CLINT1: variants seen among roughly 807,000 people sequenced by gnomAD.
CLINT1 encodes clathrin interactor 1, also known as clathrin interacting protein localized in the trans-Golgi region.
A neutral mutation model predicts 70.4 loss-of-function variants in CLINT1; 15 were observed. The ratio of observed to expected loss-of-function variants is 0.21; its 90% CI spans 0.14 to 0.33. The LOEUF (loss-of-function observed/expected upper bound fraction) is 0.33. Among genes scored for constraint, CLINT1 ranks in the 10% least tolerant of loss-of-function variants. CLINT1 has a pLI of 1.00. For synonymous variants in CLINT1, 227 were observed against 254.7 expected (o/e 0.89, Z 1.04); for missense variants, 615 against 778.1 (o/e 0.79, Z 2.49).
rs752606665 is a variant in CLINT1, at chr5:157,809,742, G to C, written c.581C>G (p.Ala194Gly). The change falls in exon 6 of 12, where the codon GCT becomes GGT. Residue 194 changes from alanine to glycine, a missense_variant. This residue lies in a region of CLINT1 where 241 missense variants were observed against 368.6 expected (regional missense o/e 0.65). Transcript: ENST00000411809. ...ACCTAATTTATCACTGAATGGAAAA[G>C]CACTCTTGTTTTTATCCCACTCCTC... ...WDEEWDKNKS[A>G]FPFSDKLGEL... 7 of 1,613,076 alleles carry C rather than the reference G, an allele frequency of 4.3e-6. No homozygotes were observed. The South Asian group carries it at 6.6e-5, about 15-fold the overall frequency.
intron 10 of CLINT1, chr5:157,790,651 T>G (rs1761873570): frequency 2.2e-6 from 1 of 455,032 alleles, no homozygotes; most frequent in Non-Finnish European, 4.4e-6. Flanking sequence ...AAGACGAGAA[T>G]CTACACATTA....
At chr5:157,812,385 C>T (rs913716542) in intron 5 of CLINT1, among the ~76,000 whole-genome samples, 1 of 152,106 alleles carries the variant, frequency 6.6e-6, no homozygotes, top group South Asian at 2.1e-4. Flanking sequence ...AGGGACATGC[C>T]GTGAAAGACA....
intron 7 of CLINT1, among the ~76,000 whole-genome samples, chr5:157,805,371 G>A (rs375753035): frequency 5.3e-5 from 8 of 152,182 alleles, no homozygotes; most frequent in African/African-American, 1.4e-4. Flanking sequence ...AAAAACAAAC[G>A]AAGATGGTAC....
rs1561643552 is a variant in CLINT1, at chr5:157,803,734, A to AT, written c.943-16dup. ...GGCACTGAAGTCTGAAAACACACACATAACTCAGGAGCTTCGAAAAGTTTG... is the reference window on the plus strand; with the variant it reads ...GGCACTGAAGTCTGAAAACACACACATTAACTCAGGAGCTTCGAAAAGTTTG... On this transcript the variant is annotated splice_polypyrimidine_tract_variant and intron_variant, in intron 7 of 11. Transcript: ENST00000411809. 6.5e-7 allele frequency: 1 copy of AT among 1,534,074 alleles called. No individual in the cohort carries two copies. The highest frequency in any genetic ancestry group is 8.8e-7 in the Non-Finnish European group (1 of 1,131,272).
At chr5:157,805,481 C>G (rs1288982557) in intron 7 of CLINT1, among the ~76,000 whole-genome samples, 1 of 152,154 alleles carries the variant, frequency 6.6e-6, no homozygotes, top group African/African-American at 2.4e-5. Context: ...ATAACTTGCC[C>G]CTATATATCT....
chr5:157,823,060 A>G (rs922832769), intron 1 of CLINT1, among the ~76,000 whole-genome samples: 6 of 152,156 alleles, frequency 3.9e-5, no homozygotes, highest in African/African-American at 1.4e-4. Flanking sequence ...TATTTTTTAT[A>G]TGGTTTCTCT....
intron 7 of CLINT1, among the ~76,000 whole-genome samples, chr5:157,804,865 T>C (rs1762339578): frequency 6.6e-6 from 1 of 151,996 alleles, no homozygotes; most frequent in African/African-American, 2.4e-5. Context: ...AAGCAGAGGT[T>C]GCGGTGAGCC....
chr5:157,859,066 G>C lies in CLINT1; in HGVS notation c.-96C>G. Reference sequence around the variant, plus strand: ...GGGGCAGTTCCAGGCCGGGGTCACCGCCGCCCGCCGCCTCGAACTCCCCCA... The same window carrying C: ...GGGGCAGTTCCAGGCCGGGGTCACCCCCGCCCGCCGCCTCGAACTCCCCCA... On this transcript the variant is annotated 5_prime_UTR_variant, in exon 1 of 12. Coordinates refer to ENST00000411809, the MANE Select transcript of CLINT1 (RefSeq NM_014666.4). 1 of 1,387,446 alleles carries C rather than the reference G, an allele frequency of 7.2e-7. No individual in the cohort carries two copies. The highest frequency in any genetic ancestry group is 1.3e-5 in the South Asian group (1 of 78,444). 85.9% of individuals were successfully genotyped at this position (1,387,446 alleles called of 1,614,324 possible). A position where few individuals can be genotyped will look rare whatever the true frequency, so the allele number is the denominator to read the frequency against.
At chr5:157,818,467 T>TAAAAAAAAAA (rs929415179) in intron 1 of CLINT1, among the ~76,000 whole-genome samples, 4 of 88,326 alleles carry the variant, frequency 4.5e-5, no homozygotes, top group African/African-American at 8.4e-5. Flanking sequence ...ACCTGGTCTC[T>TAAAAAAAAAA]AAAAAAAAAA....
intron 1 of CLINT1, among the ~76,000 whole-genome samples, chr5:157,827,979 T>C (rs140540643): frequency 1.8e-3 from 271 of 152,342 alleles, no homozygotes; most frequent in African/African-American, 6.0e-3. Context: ...TACTACCTGA[T>C]CCCTGGACAC....
intron 1 of CLINT1, among the ~76,000 whole-genome samples, chr5:157,839,934 A>C (rs1219174483): frequency 2.6e-5 from 4 of 152,044 alleles, no homozygotes; most frequent in Admixed American, 2.6e-4. Flanking sequence ...CTCAAAAGAA[A>C]AAAGAGGAGG....
At chr5:157,796,666 G>A (rs1016723784) in intron 8 of CLINT1, among the ~76,000 whole-genome samples, 5 of 152,124 alleles carry the variant, frequency 3.3e-5, no homozygotes, top group African/African-American at 9.7e-5. Context: ...TTGTCTTATC[G>A]CTGAAAGACA....
chr5:157,841,862 C>T (rs568244885), intron 1 of CLINT1, among the ~76,000 whole-genome samples: 2 of 152,268 alleles, frequency 1.3e-5, no homozygotes, highest in African/African-American at 4.8e-5. Flanking sequence ...AACTTCTGGG[C>T]TCAACAAATC....
chr5:157,799,183 G>A (rs1349361074), intron 8 of CLINT1, among the ~76,000 whole-genome samples: 1 of 152,012 alleles, frequency 6.6e-6, no homozygotes, highest in Non-Finnish European at 1.5e-5. Flanking sequence ...CAAATTGAAT[G>A]TGCATTACTT....
At chr5:157,839,813 A>T (rs887794875) in intron 1 of CLINT1, among the ~76,000 whole-genome samples, 4 of 152,156 alleles carry the variant, frequency 2.6e-5, no homozygotes, top group African/African-American at 9.6e-5. Context: ...ATGCTTTACC[A>T]CTAAGTGGAA....
chr5:157,819,207 C>G (rs254672), intron 1 of CLINT1, among the ~76,000 whole-genome samples: 50,246 of 151,996 alleles, frequency 0.33, 8,821 homozygotes, highest in East Asian at 0.61. Flanking sequence ...AACAATTATG[C>G]ATTTAAGTGT....
intron 1 of CLINT1, among the ~76,000 whole-genome samples, chr5:157,847,623 C>A (rs949228633): frequency 2.6e-5 from 4 of 152,036 alleles, no homozygotes; most frequent in African/African-American, 9.7e-5. Context: ...CAGTGACGGA[C>A]GTCACTGCAG....
intron 1 of CLINT1, among the ~76,000 whole-genome samples, chr5:157,856,101 T>C (rs1753751582): frequency 1.3e-5 from 2 of 152,262 alleles, no homozygotes; most frequent in African/African-American, 4.8e-5. Flanking sequence ...GTCATGGTCT[T>C]ATTTATTGCA....
chr5:157,801,475 C>T (rs1343689416), intron 8 of CLINT1, among the ~76,000 whole-genome samples: 1 of 151,706 alleles, frequency 6.6e-6, no homozygotes, highest in Non-Finnish European at 1.5e-5. Flanking sequence ...TACTGCACTC[C>T]AGCCTGGGCA....
Sources: allele counts gnomAD v4.1 joint callset (sites outside exome capture counted in the v4.1 genomes callset), GRCh38; gene constraint gnomAD v4.1.1; regional missense constraint gnomAD v4.1.1; transcripts MANE v1.5; gene names NCBI Gene and HGNC (gene_info 2026-07-23, HGNC 2026-07-21).